KDM5A: variants seen among roughly 807,000 people sequenced by gnomAD.
The protein encoded by KDM5A is lysine demethylase 5A.
KDM5A carries 42 observed loss-of-function variants against 193.5 expected under a neutral mutation model. The ratio of observed to expected loss-of-function variants is 0.22; its 90% CI spans 0.17 to 0.28. The LOEUF is 0.28. Ranked by LOEUF, KDM5A falls within the 10% of genes least tolerant of loss-of-function variation. KDM5A has a pLI of 1.00. For missense variants in KDM5A, 1,692 were observed against 2,055.1 expected (o/e 0.82, Z 3.42); for synonymous variants, 796 against 718.1 (o/e 1.11, Z -1.73).
At chr12:300,310 G>T (rs139158183) in intron 24 of KDM5A, among the ~76,000 whole-genome samples, 5,887 of 152,142 alleles carry the variant, frequency 0.039, 357 homozygotes, top group African/African-American at 0.13. Context: ...AAATGCAAAA[G>T]AATGGAAATA....
chr12:284,335 TA>T lies in KDM5A; in HGVS notation c.*1120del. 8.8e-6 allele frequency: 2 copies of T among 227,132 alleles called. No individual in the cohort carries two copies. Among genetic ancestry groups the T allele is most frequent in the Non-Finnish European group, 1.7e-5 (2 of 114,388 alleles). The allele number at this position is 227,132 out of a possible 1,614,324, so 14.1% of individuals were successfully genotyped here. On this transcript the variant is annotated 3_prime_UTR_variant, in exon 28 of 28. Transcript: ENST00000399788. ...GTAAAAACAAGTCCTTTTTTTTTTTTAAAAATGGATTTACTAAAACAACTTC... is the reference window on the plus strand; with the variant it reads ...GTAAAAACAAGTCCTTTTTTTTTTTTAAAATGGATTTACTAAAACAACTTC...
intron 3 of KDM5A, among the ~76,000 whole-genome samples, chr12:373,199 T>G (rs113023580): frequency 2.6e-5 from 4 of 152,156 alleles, no homozygotes; most frequent in African/African-American, 7.2e-5. Flanking sequence ...CTGGTAGAAT[T>G]TGGCTGTGAA....
chr12:312,607 A>C, intron 20 of KDM5A, among the ~76,000 whole-genome samples: 1 of 152,234 alleles, frequency 6.6e-6, no homozygotes, highest in East Asian at 1.9e-4. Flanking sequence ...GAGTAAGTGA[A>C]CTTTACTAGA....
intron 16 of KDM5A, 119 bp from the exon 17 acceptor site, chr12:322,686 A>G: frequency 1.2e-6 from 1 of 835,806 alleles, no homozygotes; most frequent in Non-Finnish European, 1.9e-6. Flanking sequence ...TATAATAATT[A>G]GTAGAAACAA....
chr12:350,143 T>G (rs1422300431), intron 10 of KDM5A, among the ~76,000 whole-genome samples: 1 of 139,756 alleles, frequency 7.2e-6, no homozygotes, highest in South Asian at 2.3e-4. Context: ...AAAAAAAAAA[T>G]GCTGAGTTAA....
chr12:368,893 A>G (rs1351544945), intron 3 of KDM5A, among the ~76,000 whole-genome samples: 1 of 152,242 alleles, frequency 6.6e-6, no homozygotes, highest in Admixed American at 6.5e-5. Context: ...GCACCAGGAT[A>G]AAGTACTATA....
chr12:384,089 G>C lies in KDM5A; in HGVS notation c.308C>G (p.Ser103Cys), dbSNP rs200969654. The change falls in exon 3 of 28, where the codon TCT (serine) becomes TGT (cysteine). Residue 103 changes from serine (S) to cysteine (C), a missense_variant. By Grantham distance (112) the Ser-to-Cys change is moderately radical. Coordinates refer to ENST00000399788, the MANE Select transcript of KDM5A (RefSeq NM_001042603.3). ...CTCTACCACAGGGATCTTCAGAGTA[G>C]ATCCTTGAAGTTCCCAAAATTTTGC... Reference protein sequence around the residue: ...QLAKFWELQGSTLKIPVVERK... With the variant: ...QLAKFWELQGCTLKIPVVERK... 3.8e-4 allele frequency: 606 copies of C among 1,611,152 alleles called. No individual in the cohort carries two copies. Among genetic ancestry groups the C allele is most frequent in the Non-Finnish European group, 4.7e-4 (559 of 1,177,410 alleles).
intron 14 of KDM5A, among the ~76,000 whole-genome samples, chr12:327,399 A>C (rs1943804296): frequency 6.6e-6 from 1 of 152,220 alleles, no homozygotes; most frequent in Non-Finnish European, 1.5e-5. Flanking sequence ...ATATATAATC[A>C]AAATAAGAAT....
intron 15 of KDM5A, 25 bp from the exon 16 acceptor site, chr12:323,231 A>G (rs929263228): frequency 4.0e-6 from 6 of 1,496,622 alleles, no homozygotes; most frequent in African/African-American, 2.9e-5. Flanking sequence ...AAAAAAAAAA[A>G]AAAAAAAAGA....
rs746985012 is a variant in KDM5A, at chr12:389,068, G to A, written c.24C>T (p.Gly8=). The A allele has an allele frequency of 7.0e-6, 8 of 1,138,624 alleles. No individual in the cohort carries two copies. The highest frequency in any genetic ancestry group is 5.9e-5 in the African/African-American group (4 of 67,310). 70.5% of individuals were successfully genotyped at this position (1,138,624 alleles called of 1,614,324 possible). MAGVGPG[G]YAAEFVPPPE... Reference sequence around the variant, plus strand: ...GCGGTGGCACGAACTCCGCCGCGTAGCCCCCCGGCCCCACGCCCGCCATTG... The same window carrying A: ...GCGGTGGCACGAACTCCGCCGCGTAACCCCCCGGCCCCACGCCCGCCATTG... The change falls in exon 1 of 28, where the codon GGC becomes GGT. Residue 8 remains glycine, a synonymous_variant. Coordinates refer to ENST00000399788, the MANE Select transcript of KDM5A (RefSeq NM_001042603.3).
chr12:355,379 T>G, intron 6 of KDM5A, 130 bp from the exon 7 acceptor site: 2 of 674,468 alleles, frequency 3.0e-6, no homozygotes, highest in Non-Finnish European at 5.3e-6. Flanking sequence ...GATATACTAT[T>G]TATTATCTCT....
chr12:355,789 A>G (rs1944223601), intron 6 of KDM5A, among the ~76,000 whole-genome samples: 1 of 152,212 alleles, frequency 6.6e-6, no homozygotes. Flanking sequence ...CTAAGTACAC[A>G]GTAATTAGTC....
chr12:315,506 T>G (rs1361785252), intron 19 of KDM5A, among the ~76,000 whole-genome samples: 1 of 152,188 alleles, frequency 6.6e-6, no homozygotes, highest in African/African-American at 2.4e-5. Context: ...CCTTGGGCAG[T>G]GGACGTTGCC....
chr12:289,769 T>C (rs1339359984), intron 27 of KDM5A, among the ~76,000 whole-genome samples: 1 of 151,026 alleles, frequency 6.6e-6, no homozygotes, highest in African/African-American at 2.4e-5. Context: ...AAAGTCCCAG[T>C]AATTATTAGT....
Position 381,359 on chromosome 12 carries a change from G to A in KDM5A, c.366+2672C>T, listed in dbSNP as rs1210607510. ...ACTCCTGACCTCAGGTGATCCATCC[G>A]CCTCAGCCTTCCAAAGTGCTGGGAT... On this transcript the variant is annotated intron_variant, in intron 3 of 27. Coordinates refer to ENST00000399788, the MANE Select transcript of KDM5A (RefSeq NM_001042603.3). Among the ~76,000 whole-genome samples the A allele has an allele frequency of 7.2e-5, 11 of 152,134 alleles. No individual in the cohort carries two copies. In the East Asian group the frequency reaches 1.2e-3, roughly 16 times the overall value.
At chr12:356,176 T>C (rs953344812) in intron 6 of KDM5A, among the ~76,000 whole-genome samples, 1 of 152,196 alleles carries the variant, frequency 6.6e-6, no homozygotes, top group Non-Finnish European at 1.5e-5. Context: ...GAAACTGCAA[T>C]AAATTTGTGT....
chr12:353,635 G>A (rs1944190243), intron 8 of KDM5A, among the ~76,000 whole-genome samples: 1 of 152,010 alleles, frequency 6.6e-6, no homozygotes, highest in Admixed American at 6.6e-5. Context: ...TTAAGTCCTG[G>A]AAATTGGCCA....
At position 389,274 on chromosome 12, in the gene KDM5A, G is replaced by A. The variant is rs1483423595; in HGVS notation, c.-183C>T. 1 of 726,068 alleles carries A rather than the reference G, an allele frequency of 1.4e-6. No homozygotes were observed. Among genetic ancestry groups the A allele is most frequent in the East Asian group, 2.7e-5 (1 of 37,576 alleles). 45.0% of individuals were successfully genotyped at this position (726,068 alleles called of 1,614,324 possible). A position where few individuals can be genotyped will look rare whatever the true frequency, so the allele number is the denominator to read the frequency against. Reference sequence around the variant, plus strand: ...CCCGTTTGTTATTGTTTCTTGCAAGGCTTTTCCACTGAGGTTCAGGACTTT... The same window carrying A: ...CCCGTTTGTTATTGTTTCTTGCAAGACTTTTCCACTGAGGTTCAGGACTTT... On this transcript the variant is annotated 5_prime_UTR_variant, in exon 1 of 28. Transcript: ENST00000399788.
At chr12:375,118 G>A (rs1016667735) in intron 3 of KDM5A, among the ~76,000 whole-genome samples, 43 of 152,028 alleles carry the variant, frequency 2.8e-4, no homozygotes, top group Admixed American at 2.1e-3. Flanking sequence ...TTTGAATGTC[G>A]GCCTGCCTTG....
Sources: allele counts gnomAD v4.1 joint callset (sites outside exome capture counted in the v4.1 genomes callset), GRCh38; gene constraint gnomAD v4.1.1; transcripts MANE v1.5; gene names NCBI Gene and HGNC (gene_info 2026-07-23, HGNC 2026-07-21).